SIPA1L2: variants seen among roughly 807,000 people sequenced by gnomAD.
SIPA1L2 encodes signal induced proliferation associated 1 like 2, also known as signal-induced proliferation-associated 1-like protein 2.
SIPA1L2 carries 56 observed loss-of-function variants against 163.9 expected under a neutral mutation model. The observed-to-expected ratio is 0.34, with a 90% CI of 0.28 to 0.43. The LOEUF is 0.43. Ranked by LOEUF, SIPA1L2 falls within the 20% of genes least tolerant of loss-of-function variation. The pLI, the probability that SIPA1L2 is intolerant of heterozygous loss-of-function variation, is 1.00. For missense variants in SIPA1L2, 1,974 were observed against 2,193.5 expected (o/e 0.90, Z 2.00); for synonymous variants, 877 against 865.7 (o/e 1.01, Z -0.23).
chr1:232,472,283 A>G (rs1317744119), intron 7 of SIPA1L2, among the ~76,000 whole-genome samples: 1 of 151,912 alleles, frequency 6.6e-6, no homozygotes, highest in Non-Finnish European at 1.5e-5. Flanking sequence ...GAAACTTCCT[A>G]TTTCCCGGGC....
intron 2 of SIPA1L2, among the ~76,000 whole-genome samples, chr1:232,545,595 G>A (rs980842889): frequency 1.3e-5 from 2 of 152,072 alleles, no homozygotes; most frequent in Admixed American, 6.5e-5. Flanking sequence ...CTAACAAGCT[G>A]AAAAATTCAT....
chr1:232,425,259 CT>C (rs10633026), intron 18 of SIPA1L2, among the ~76,000 whole-genome samples: 79 of 147,236 alleles, frequency 5.4e-4, no homozygotes, highest in African/African-American at 1.2e-3. Context: ...TCAGTCTTTT[CT>C]TTTTTTTTTT....
At chr1:232,453,494 G>A (rs1195570011) in intron 10 of SIPA1L2, among the ~76,000 whole-genome samples, 1 of 152,154 alleles carries the variant, frequency 6.6e-6, no homozygotes, top group African/African-American at 2.4e-5. Flanking sequence ...ATAATCTAAG[G>A]AAAAGCCTTA....
At chr1:232,619,723 TAA>T (rs1662696240) in intron 1 of SIPA1L2, among the ~76,000 whole-genome samples, 1 of 152,148 alleles carries the variant, frequency 6.6e-6, no homozygotes, top group Non-Finnish European at 1.5e-5. Context: ...TGCCAGCATT[TAA>T]AAAGACTTCA....
chr1:232,405,964 A>C (rs1191541931), intron 19 of SIPA1L2, among the ~76,000 whole-genome samples: 1 of 152,190 alleles, frequency 6.6e-6, no homozygotes, highest in Non-Finnish European at 1.5e-5. Flanking sequence ...ACAGGGTCCT[A>C]CTGGTCAGGA....
intron 1 of SIPA1L2, among the ~76,000 whole-genome samples, chr1:232,577,807 G>A (rs977513762): frequency 6.6e-6 from 1 of 152,176 alleles, no homozygotes; most frequent in Non-Finnish European, 1.5e-5. Flanking sequence ...GCTTTTTGTA[G>A]AGGAACAAAG....
intron 9 of SIPA1L2, 51 bp from the exon 10 acceptor site, chr1:232,461,212 G>A (rs1664219787): frequency 6.3e-7 from 1 of 1,586,322 alleles, no homozygotes; most frequent in South Asian, 1.2e-5. Flanking sequence ...AAGCTGCCAT[G>A]GGGCTCTGCC....
intron 18 of SIPA1L2, among the ~76,000 whole-genome samples, chr1:232,421,037 T>C (rs10910445): frequency 0.057 from 8,723 of 152,152 alleles, 717 homozygotes; most frequent in East Asian, 0.42. Context: ...TAGAAAACAA[T>C]AGTAACTGAA....
At chr1:232,468,029 C>A (rs1424842894) in intron 8 of SIPA1L2, among the ~76,000 whole-genome samples, 4 of 152,096 alleles carry the variant, frequency 2.6e-5, no homozygotes, top group Non-Finnish European at 4.4e-5. Flanking sequence ...CAAAGTTGTA[C>A]AAGAAAACCA....
Position 232,629,222 on chromosome 1 carries a change from G to A in SIPA1L2, c.-319+647C>T, listed in dbSNP as rs116143642. Among the ~76,000 whole-genome samples, 864 of 152,334 alleles carry A rather than the reference G, an allele frequency of 5.7e-3. 4 individuals are homozygous for A. Among genetic ancestry groups the A allele is most frequent in the South Asian group, 0.023 (113 of 4,832 alleles). On this transcript the variant is annotated intron_variant, in intron 1 of 22. Coordinates refer to ENST00000674635, the MANE Select transcript of SIPA1L2 (RefSeq NM_020808.5). ...CCGAAATTGATTCTTTGGGTTTGCG[G>A]CACGGCTGAAAATTAATCTGTAGGT... is the stretch of plus-strand genomic sequence containing the variant.
At chr1:232,440,532 C>T (rs566110659) in intron 14 of SIPA1L2, among the ~76,000 whole-genome samples, 23 of 152,236 alleles carry the variant, frequency 1.5e-4, no homozygotes, top group African/African-American at 5.1e-4. Flanking sequence ...AAGACAAGGT[C>T]GCGGTCACAG....
At chr1:232,449,608 G>GA (rs5781696) in intron 10 of SIPA1L2, among the ~76,000 whole-genome samples, 27 of 148,744 alleles carry the variant, frequency 1.8e-4, no homozygotes, top group Admixed American at 1.0e-3. Flanking sequence ...AGAGAAGAGG[G>GA]AAAAAAAAAG....
chr1:232,484,655 G>A (rs1457543257), intron 5 of SIPA1L2, among the ~76,000 whole-genome samples: 2 of 152,216 alleles, frequency 1.3e-5, no homozygotes, highest in Admixed American at 1.3e-4. Flanking sequence ...AGCTCCTGCT[G>A]TAATCCTATC....
chr1:232,555,975 ACC>A (rs895639468), intron 2 of SIPA1L2, among the ~76,000 whole-genome samples: 2 of 152,218 alleles, frequency 1.3e-5, no homozygotes, highest in African/African-American at 4.8e-5. Flanking sequence ...GCCATAGTTA[ACC>A]CAGAAGACTG....
intron 1 of SIPA1L2, among the ~76,000 whole-genome samples, chr1:232,614,843 A>G (rs1052694765): frequency 6.6e-6 from 1 of 152,212 alleles, no homozygotes; most frequent in African/African-American, 2.4e-5. Context: ...CTAATTTGAT[A>G]GTGGAAAGTG....
chr1:232,501,847 G>A (rs57163999), intron 3 of SIPA1L2, among the ~76,000 whole-genome samples: 4,673 of 152,286 alleles, frequency 0.031, 254 homozygotes, highest in African/African-American at 0.11. Context: ...GATGGGGGAC[G>A]CAGGAGGCCG....
chr1:232,442,300 A>G (rs1169906900), intron 12 of SIPA1L2, among the ~76,000 whole-genome samples: 4 of 151,914 alleles, frequency 2.6e-5, no homozygotes, highest in African/African-American at 9.7e-5. Context: ...CTGTAATCCC[A>G]GCACTTTGGG....
chr1:232,553,918 T>A (rs1283781416), intron 2 of SIPA1L2, among the ~76,000 whole-genome samples: 1 of 152,178 alleles, frequency 6.6e-6, no homozygotes, highest in Non-Finnish European at 1.5e-5. Flanking sequence ...AAAATTCTGA[T>A]AACCCATGTT....
Position 232,461,248 on chromosome 1 carries a change from C to A in SIPA1L2, c.2821-87G>T, listed in dbSNP as rs1012835818. On this transcript the variant is annotated intron_variant, in intron 9 of 22. Transcript: ENST00000674635. ...AAAGGTGCACGTATGGGCCTCCATGCCAGCCCTCTCCCTTGGGCCCTCGCA... is the reference window on the plus strand; with the variant it reads ...AAAGGTGCACGTATGGGCCTCCATGACAGCCCTCTCCCTTGGGCCCTCGCA... 4 of 1,520,286 alleles carry A rather than the reference C, an allele frequency of 2.6e-6. No homozygotes were observed. In the African/African-American group the frequency reaches 5.5e-5, roughly 21 times the overall value. 94.2% of individuals were successfully genotyped at this position (1,520,286 alleles called of 1,614,324 possible).
Sources: gnomAD v4.1 joint callset for allele counts (sites outside exome capture counted in the v4.1 genomes callset) on GRCh38, gnomAD v4.1.1 for gene constraint, MANE v1.5 for transcripts, NCBI Gene and HGNC (gene_info 2026-07-23, HGNC 2026-07-21) for gene names.